The following PHF6 variants were observed in gnomAD, a reference collection of about 807,000 sequenced individuals.
The protein encoded by PHF6 is PHD-like zinc finger protein.
PHF6 carries 7 observed loss-of-function variants against 34.0 expected under a neutral mutation model. That is an observed-to-expected ratio of 0.21 (90% CI 0.12 to 0.39). The LOEUF is 0.39. Among genes scored for constraint, PHF6 ranks in the 10% least tolerant of loss-of-function variants. The pLI is 1.00. For missense variants in PHF6, 128 were observed against 262.8 expected, an observed-to-expected ratio of 0.49 and a Z score of 3.55; for synonymous variants, 89 against 88.4, an observed-to-expected ratio of 1.01 and a Z score of -0.04.
At chrX:134,401,729 T>C (rs1267708231) in intron 5 of PHF6, among the ~76,000 whole-genome samples, 1 of 111,736 alleles carries the variant, frequency 8.9e-6, no homozygotes, top group African/African-American at 3.3e-5. Flanking sequence ...CTTTCTGAGA[T>C]GGTGTAAAGG....
chrX:134,415,164 G>C, intron 8 of PHF6, 44 bp downstream of exon 8: 1 of 1,208,125 alleles, frequency 8.3e-7, no homozygotes, highest in South Asian at 1.8e-5. Flanking sequence ...CACTTGATTT[G>C]CTGCTTTAAA....
intron 5 of PHF6, among the ~76,000 whole-genome samples, chrX:134,407,049 G>A (rs1391288901): frequency 8.9e-6 from 1 of 111,931 alleles, no homozygotes; most frequent in African/African-American, 3.2e-5. Context: ...TATTTTAAGA[G>A]CATACTTGTA....
At chrX:134,418,839 CTTT>C (rs775327610) in intron 9 of PHF6, 10 of 97,769 alleles carry the variant, frequency 1.0e-4, no homozygotes, top group East Asian at 3.2e-4. Flanking sequence ...CCAATCTCCC[CTTT>C]TTTTTTTTTT....
chrX:134,419,553 G>A (rs895716670), intron 9 of PHF6: 1 of 111,278 alleles, frequency 9.0e-6, no homozygotes, highest in African/African-American at 3.3e-5. Flanking sequence ...ATCTTAATAG[G>A]TGTTTATGAG....
intron 5 of PHF6, among the ~76,000 whole-genome samples, chrX:134,410,317 T>C (rs763743116): frequency 8.9e-6 from 1 of 112,062 alleles, no homozygotes; most frequent in African/African-American, 3.2e-5. Context: ...TTTTTGACTC[T>C]TTAATAATAG....
intron 3 of PHF6, among the ~76,000 whole-genome samples, chrX:134,385,270 C>T (rs773878936): frequency 1.9e-4 from 21 of 111,031 alleles, no homozygotes; most frequent in Non-Finnish European, 2.8e-4. Flanking sequence ...TCCTAGCTGC[C>T]TCTCAAAAGT....
chrX:134,417,840 CAA>C (rs2077477622), intron 9 of PHF6: 1 of 111,441 alleles, frequency 9.0e-6, no homozygotes, highest in African/African-American at 3.3e-5. Flanking sequence ...GCCTGAGCAA[CAA>C]GAGTGAAATT....
At chrX:134,383,683 A>T (rs1359198159) in intron 3 of PHF6, among the ~76,000 whole-genome samples, 2 of 111,787 alleles carry the variant, frequency 1.8e-5, no homozygotes, top group African/African-American at 6.5e-5. Context: ...ATGTTGTGAG[A>T]TAGAGAAGTA....
At chrX:134,386,109 A>C (rs1462059660) in intron 3 of PHF6, among the ~76,000 whole-genome samples, 1 of 111,969 alleles carries the variant, frequency 8.9e-6, no homozygotes, top group African/African-American at 3.2e-5. Context: ...TATGGAAGTC[A>C]AAGACAAACA....
rs778511523 is a variant in PHF6, at chrX:134,378,018, C to A, written c.152C>A (p.Ala51Asp). 8.4e-6 allele frequency: 10 copies of A among 1,189,048 alleles called. No individual in the cohort carries two copies. The highest frequency in any genetic ancestry group is 1.1e-5 in the Non-Finnish European group (10 of 883,223). The change falls in exon 3 of 11, where the codon GCT becomes GAT. Residue 51 changes from alanine (A) to aspartate (D), a missense_variant. Ala to Asp is a moderately radical substitution (Grantham distance 126). Transcript: ENST00000370803. ...AHHKCMLFSS[A>D]LVSSHSDNES... ...TGTAATTTATAGCTCTTTTCATCTG[C>A]TTTGGTATCATCACACTCTGATAAT...
At chrX:134,398,769 G>A (rs1465318558) in intron 5 of PHF6, among the ~76,000 whole-genome samples, 1 of 111,787 alleles carries the variant, frequency 8.9e-6, no homozygotes, top group Non-Finnish European at 1.9e-5. Context: ...GGTAAAGTAA[G>A]CTTATGGGGA....
At chrX:134,425,174 T>C (rs1287539872) in intron 9 of PHF6, 27 bp from the exon 10 acceptor site, 1 of 1,207,964 alleles carries the variant, frequency 8.3e-7, no homozygotes, top group Non-Finnish European at 1.1e-6. Flanking sequence ...CAAAGCATTT[T>C]GAGATTTTTG....
chrX:134,378,073 T>C lies in PHF6; in HGVS notation c.207T>C (p.Asp69=). ...NESLGGFSIE[D]VQKEIKRGTK... is the part of the protein sequence containing the mutation. ...GTCTTGGTGGATTTTCTATTGAAGA[T>C]GTCCAAAAGGAAATTAAAAGAGGCA... Residue 69 remains aspartate (D), a synonymous_variant, in exon 3 of 11, where the codon GAT becomes GAC. Transcript: ENST00000370803. The C allele has an allele frequency of 8.3e-7, 1 of 1,202,795 alleles. No homozygotes were observed.
intron 5 of PHF6, among the ~76,000 whole-genome samples, chrX:134,412,817 G>A (rs180695647): frequency 4.2e-4 from 47 of 111,952 alleles, no homozygotes; most frequent in African/African-American, 1.5e-3. Context: ...TTTTTTTACT[G>A]CTTGTATTAG....
chrX:134,392,051 G>A, intron 3 of PHF6, among the ~76,000 whole-genome samples: 1 of 111,897 alleles, frequency 8.9e-6, no homozygotes, highest in Non-Finnish European at 1.9e-5. Context: ...AACAGCTGTA[G>A]TGAGACTGTT....
At chrX:134,414,968 T>C (rs769707629) in intron 7 of PHF6, 48 bp from the exon 8 acceptor site, 2 of 993,217 alleles carry the variant, frequency 2.0e-6, no homozygotes, top group Non-Finnish European at 2.8e-6. Context: ...TTAATGTTTC[T>C]CTCATAAGGA....
chrX:134,414,033 A>C, intron 7 of PHF6, 67 bp downstream of exon 7: 1 of 1,108,662 alleles, frequency 9.0e-7, no homozygotes, highest in African/African-American at 1.8e-5. Flanking sequence ...TTCCCCTGTG[A>C]TCTAAAGCCC....
chrX:134,402,719 G>A (rs2077407775), intron 5 of PHF6, among the ~76,000 whole-genome samples: 1 of 112,254 alleles, frequency 8.9e-6, no homozygotes, highest in African/African-American at 3.2e-5. Context: ...CAAATTGAAG[G>A]TTTGTGGCAA....
chrX:134,400,632 T>G (rs942216957), intron 5 of PHF6, among the ~76,000 whole-genome samples: 1 of 110,127 alleles, frequency 9.1e-6, no homozygotes, highest in Non-Finnish European at 1.9e-5. Context: ...GGTGTGAGGG[T>G]TGGAAGCTGA....
Sources: gnomAD v4.1 joint callset for allele counts (sites outside exome capture counted in the v4.1 genomes callset) on GRCh38, gnomAD v4.1.1 for gene constraint, MANE v1.5 for transcripts, NCBI Gene and HGNC (gene_info 2026-07-23, HGNC 2026-07-21) for gene names.